Variants in ARHGAP22 observed in about 807,000 individuals in gnomAD.
ARHGAP22 encodes Rho GTPase activating protein 22.
ARHGAP22 carries 48 observed loss-of-function variants against 59.1 expected under a neutral mutation model. That is an observed-to-expected ratio of 0.81 (90% CI 0.64 to 1.03). The LOEUF is 1.03. Among genes scored for constraint, ARHGAP22 ranks in the 50% least tolerant of loss-of-function variants. The pLI is 0.00. For synonymous variants in ARHGAP22, 445 were observed against 416.4 expected (o/e 1.07, Z -0.84); for missense variants, 1,015 against 958.7 (o/e 1.06, Z -0.78).
intron 2 of ARHGAP22, 82 bp from the exon 3 acceptor site, chr10:48,555,632 A>T: frequency 1.4e-6 from 2 of 1,414,054 alleles, no homozygotes; most frequent in Middle Eastern, 1.8e-4. Context: ...TGGAGAGGAG[A>T]GGTTAGGACC....
chr10:48,578,514 T>C (rs1483354081), intron 2 of ARHGAP22, among the ~76,000 whole-genome samples: 2 of 127,724 alleles, frequency 1.6e-5, no homozygotes, highest in African/African-American at 3.0e-5. Flanking sequence ...ACAGAAGTAT[T>C]ATGCAGTGTA....
chr10:48,553,614 G>T (rs2057076994), intron 3 of ARHGAP22, among the ~76,000 whole-genome samples: 1 of 152,186 alleles, frequency 6.6e-6, no homozygotes, highest in Non-Finnish European at 1.5e-5. Context: ...TTAGAGGGAT[G>T]TTGGGAGTAT....
chr10:48,516,529 A>AAAAT (rs59502469), intron 3 of ARHGAP22, among the ~76,000 whole-genome samples: 78,260 of 150,476 alleles, frequency 0.52, 23,204 homozygotes, highest in Middle Eastern at 0.74. Flanking sequence ...CCCTGTCTCA[A>AAAAT]AAATAAATAA....
chr10:48,619,417 G>T (rs538633749), intron 1 of ARHGAP22, among the ~76,000 whole-genome samples: 2 of 152,268 alleles, frequency 1.3e-5, no homozygotes, highest in East Asian at 3.9e-4. Context: ...AAAGCTGGAG[G>T]CATCACACTA....
Position 48,454,702 on chromosome 10 carries a change from T to A in ARHGAP22, c.792+300A>T, listed in dbSNP as rs189514231. Among the ~76,000 whole-genome samples the A allele has an allele frequency of 6.6e-4, 101 of 152,258 alleles. 1 individual carries two copies. In the East Asian group the frequency reaches 0.018, roughly 27 times the overall value. ...GTCGGGTGTGGGGAGTGTGAGCACC[T>A]ACTGGTGTGACAGCCAGAGCTGGGC... On this transcript the variant is annotated intron_variant, in intron 6 of 9. Transcript: ENST00000249601.
At chr10:48,585,985 C>T (rs2059402633) in intron 1 of ARHGAP22, among the ~76,000 whole-genome samples, 1 of 152,166 alleles carries the variant, frequency 6.6e-6, no homozygotes, top group Admixed American at 6.5e-5. Context: ...CGCCCTGAAA[C>T]TGGGCTTGAG....
chr10:48,619,890 C>T (rs2061223604), intron 1 of ARHGAP22, among the ~76,000 whole-genome samples: 1 of 152,108 alleles, frequency 6.6e-6, no homozygotes, highest in African/African-American at 2.4e-5. Flanking sequence ...GCGAAGGAAA[C>T]AACCCAAAGA....
chr10:48,577,621 C>T (rs77778164), intron 2 of ARHGAP22, among the ~76,000 whole-genome samples: 4,837 of 152,012 alleles, frequency 0.032, 177 homozygotes, highest in South Asian at 0.14. Context: ...CTGATGTTCA[C>T]CCAACCTTCC....
chr10:48,583,269 G>A lies in ARHGAP22; in HGVS notation c.35-117C>T. 5 of 1,224,310 alleles carry A rather than the reference G, an allele frequency of 4.1e-6. No individual in the cohort carries two copies. In the South Asian group the frequency reaches 7.2e-5, roughly 18 times the overall value. The allele number at this position is 1,224,310 out of a possible 1,614,324, so 75.8% of individuals were successfully genotyped here. A position where few individuals can be genotyped will look rare whatever the true frequency, so the allele number is the denominator to read the frequency against. On this transcript the variant is annotated intron_variant, in intron 1 of 9. Coordinates refer to ENST00000249601, the MANE Select transcript of ARHGAP22 (RefSeq NM_021226.4). ...GAGGCATGGGAGCCCAGGCCAGCAG[G>A]ATGTGAGCAGCTGGGCCTACTTCCC... is the stretch of plus-strand genomic sequence containing the variant.
intron 3 of ARHGAP22, chr10:48,493,508 G>A (rs2050620216): frequency 2.0e-6 from 3 of 1,535,284 alleles, no homozygotes; most frequent in African/African-American, 2.7e-5. Flanking sequence ...AGCAGCGGGG[G>A]CTGCAGTGAG....
At chr10:48,448,512 C>T (rs1330387669) in intron 9 of ARHGAP22, among the ~76,000 whole-genome samples, 1 of 152,218 alleles carries the variant, frequency 6.6e-6, no homozygotes, top group Non-Finnish European at 1.5e-5. Flanking sequence ...TTTGGGAATG[C>T]ACGAAGGAAG....
chr10:48,587,009 G>A (rs914816043), intron 1 of ARHGAP22, among the ~76,000 whole-genome samples: 2 of 152,144 alleles, frequency 1.3e-5, no homozygotes, highest in Admixed American at 1.3e-4. Context: ...ACCCTATCCC[G>A]CATCTGTGCT....
chr10:48,486,585 C>T (rs2049884723), intron 3 of ARHGAP22, among the ~76,000 whole-genome samples: 1 of 152,118 alleles, frequency 6.6e-6, no homozygotes, highest in South Asian at 2.1e-4. Flanking sequence ...GATGATCCAC[C>T]CGTTTTGACC....
At chr10:48,585,055 G>A (rs527449363) in intron 1 of ARHGAP22, among the ~76,000 whole-genome samples, 1 of 152,110 alleles carries the variant, frequency 6.6e-6, no homozygotes, top group African/African-American at 2.4e-5. Flanking sequence ...ATAGCTTGGT[G>A]TGTTGGGAGA....
chr10:48,642,809 G>T (rs1475667097), intron 1 of ARHGAP22, among the ~76,000 whole-genome samples: 1 of 151,936 alleles, frequency 6.6e-6, no homozygotes, highest in African/African-American at 2.4e-5. Flanking sequence ...GCAACCTACA[G>T]AATGGGAGAA....
chr10:48,578,833 T>G (rs866974191), intron 2 of ARHGAP22, among the ~76,000 whole-genome samples: 5 of 152,290 alleles, frequency 3.3e-5, no homozygotes, highest in Middle Eastern at 6.8e-3. Flanking sequence ...TCCCCTTTTT[T>G]CTTAGCATCT....
rs79900706 is a variant in ARHGAP22, at chr10:48,589,429, G to A, written c.35-6277C>T. The stretch of plus-strand genomic sequence containing the variant: ...TCTATTTCATTATGAATCCCAGGGC[G>A]TTATTTCTGCCCGGATCTTACTCAG... On this transcript the variant is annotated intron_variant, in intron 1 of 9. Coordinates refer to ENST00000249601, the MANE Select transcript of ARHGAP22 (RefSeq NM_021226.4). Among the ~76,000 whole-genome samples the A allele has an allele frequency of 4.5e-3, 684 of 152,212 alleles. 4 individuals carry two copies. Among genetic ancestry groups the A allele is most frequent in the East Asian group, 0.036 (187 of 5,170 alleles).
At chr10:48,509,024 G>A (rs747729182) in intron 3 of ARHGAP22, among the ~76,000 whole-genome samples, 6 of 152,208 alleles carry the variant, frequency 3.9e-5, no homozygotes, top group Non-Finnish European at 5.9e-5. Context: ...GAGAATGCCC[G>A]CGGCTCTGAA....
Position 48,548,812 on chromosome 10 carries a change from C to T in ARHGAP22, c.322+6651G>A, listed in dbSNP as rs1001788618. 5.9e-5 allele frequency among the ~76,000 whole-genome samples: 9 copies of T among 152,220 alleles called. No homozygotes were observed. In the South Asian group the frequency reaches 1.9e-3, roughly 31 times the overall value. On this transcript the variant is annotated intron_variant, in intron 3 of 9. Transcript: ENST00000249601. ...TGGCAAGACAGAAGTACCAGGTGGG[C>T]AGGACCTGGGGGTCCTTGAGTCTCA...
Sources: gnomAD v4.1 joint callset for allele counts (sites outside exome capture counted in the v4.1 genomes callset) on GRCh38, gnomAD v4.1.1 for gene constraint, MANE v1.5 for transcripts, NCBI Gene and HGNC (gene_info 2026-07-23, HGNC 2026-07-21) for gene names.